Variants in NFAT5 observed in about 807,000 individuals in gnomAD.
The protein encoded by NFAT5 is nuclear factor of activated T cells 5.
Under a neutral mutation model 166.5 loss-of-function variants are expected in NFAT5, and 31 were observed. That is an observed-to-expected ratio of 0.19 (90% CI 0.14 to 0.25). NFAT5 has a LOEUF of 0.25. Ranked by LOEUF, NFAT5 falls within the 10% of genes least tolerant of loss-of-function variation. NFAT5 has a pLI of 1.00. For missense variants in NFAT5, 1,449 were observed against 1,821.8 expected (o/e 0.80, Z 3.72); for synonymous variants, 612 against 639.7 (o/e 0.96, Z 0.65).
At chr16:69,624,903 T>TAAA (rs376117061) in intron 2 of NFAT5, among the ~76,000 whole-genome samples, 2 of 140,138 alleles carry the variant, frequency 1.4e-5, no homozygotes, top group South Asian at 2.3e-4. Context: ...TTCTTTTTTT[T>TAAA]AAAAAAAAAA....
In NFAT5 at chr16:69,695,125, T is replaced by C; in HGVS notation, c.4415-11T>C. 4.4e-6 allele frequency: 7 copies of C among 1,600,058 alleles called. No homozygotes were observed. The highest frequency in any genetic ancestry group is 5.1e-6 in the Non-Finnish European group (6 of 1,167,756). ...TCAGCTTTTAAGCTTCTGTTTTCAA[T>C]GTCTCTGCAGACTGTAGTCAGCTTT... On this transcript the variant is annotated splice_polypyrimidine_tract_variant and intron_variant, in intron 13 of 14. Coordinates refer to ENST00000349945, the MANE Select transcript of NFAT5 (RefSeq NM_138713.4).
chr16:69,646,206 C>G (rs1279015137), intron 3 of NFAT5, among the ~76,000 whole-genome samples: 1 of 152,138 alleles, frequency 6.6e-6, no homozygotes, highest in African/African-American at 2.4e-5. Context: ...ATCCATTAAT[C>G]AGTTCTTCCT....
chr16:69,692,513 T>TCAACAG lies in NFAT5; in HGVS notation c.2691_2696dup (p.Gln905_Gln906dup). On this transcript the variant is annotated inframe_insertion, in exon 13 of 15. Transcript: ENST00000349945. ...CACAGTCTGAAAACACGTTATCTAA[T>TCAACAG]CAACAGCAGCAGCAGCAGCAGCAAC... 1 of 1,614,072 alleles carries TCAACAG rather than the reference T, an allele frequency of 6.2e-7. No individual in the cohort carries two copies. The highest frequency in any genetic ancestry group is 8.5e-7 in the Non-Finnish European group (1 of 1,179,996).
At chr16:69,672,098 C>T (rs534186942) in intron 9 of NFAT5, among the ~76,000 whole-genome samples, 4 of 152,206 alleles carry the variant, frequency 2.6e-5, no homozygotes, top group Non-Finnish European at 5.9e-5. Flanking sequence ...AGAACTCTCT[C>T]TGGGTAAAGT....
chr16:69,573,817 G>C (rs554919493), intron 2 of NFAT5, among the ~76,000 whole-genome samples: 1 of 150,106 alleles, frequency 6.7e-6, no homozygotes, highest in Admixed American at 6.6e-5. Context: ...CAAAGTGGTA[G>C]TACAGAAAAA....
chr16:69,667,188 G>A (rs2036423895), intron 7 of NFAT5, among the ~76,000 whole-genome samples: 1 of 114,610 alleles, frequency 8.7e-6, no homozygotes, highest in African/African-American at 3.3e-5. Context: ...GGGGGGAGGG[G>A]GGAGGGATAG....
chr16:69,571,741 G>C (rs2016451898), intron 2 of NFAT5, among the ~76,000 whole-genome samples: 1 of 151,442 alleles, frequency 6.6e-6, no homozygotes, highest in Non-Finnish European at 1.5e-5. Context: ...CCTGCACTTG[G>C]GTATTATTAT....
Position 69,647,462 on chromosome 16 carries a change from G to C in NFAT5, c.688G>C (p.Val230Leu). Residue 230 changes from valine to leucine, a missense_variant, in exon 4 of 15, where the codon GTC (valine) becomes CTC (leucine). By Grantham distance (32) the Val-to-Leu change is conservative. Coordinates refer to ENST00000349945, the MANE Select transcript of NFAT5 (RefSeq NM_138713.4). The surrounding 1 kb of genome is among the most constrained non-coding windows in gnomAD (Gnocchi z 4.8). ...ACGAAATCCAAAGCAGAGGCCGGGG[G>C]TCAAACGACGAGATTGTGAAGAATC... Reference protein sequence around the residue: ...RKRNPKQRPGVKRRDCEESNM... With the variant: ...RKRNPKQRPGLKRRDCEESNM... 1 of 1,613,964 alleles carries C rather than the reference G, an allele frequency of 6.2e-7. No individual in the cohort carries two copies. The highest frequency in any genetic ancestry group is 8.5e-7 in the Non-Finnish European group (1 of 1,180,014).
intron 7 of NFAT5, among the ~76,000 whole-genome samples, chr16:69,664,601 G>T (rs1333010611): frequency 6.6e-6 from 1 of 152,098 alleles, no homozygotes; most frequent in Non-Finnish European, 1.5e-5. Context: ...TTATTTTTCA[G>T]ACTGCTAGTT....
chr16:69,651,080 A>T (rs567624564), intron 4 of NFAT5, among the ~76,000 whole-genome samples: 1 of 152,226 alleles, frequency 6.6e-6, no homozygotes, highest in Non-Finnish European at 1.5e-5. Context: ...ACTTATGTCA[A>T]ATTTACACGA....
At position 69,691,917 on chromosome 16, in the gene NFAT5, A is replaced by T. The variant is rs2037560486; in HGVS notation, c.2092A>T (p.Thr698Ser). ...YNPETLTTIQ[T>S]QDISQPGTFP... ...CCCAGAGACCCTGACAACTATTCAAACCCAGGACATCTCACAGCCTGGTAC... is the reference window on the plus strand; with the variant it reads ...CCCAGAGACCCTGACAACTATTCAATCCCAGGACATCTCACAGCCTGGTAC... Residue 698 changes from threonine to serine, a missense_variant, in exon 13 of 15, where the codon ACC becomes TCC. Physicochemically the swap from Thr to Ser is moderately conservative, Grantham distance 58. This residue lies in a region of NFAT5 where 891 missense variants were observed against 993.0 expected (regional missense o/e 0.90). Coordinates refer to ENST00000349945, the MANE Select transcript of NFAT5 (RefSeq NM_138713.4). 2 of 1,614,020 alleles carry T rather than the reference A, an allele frequency of 1.2e-6. No homozygotes were observed. Among genetic ancestry groups the T allele is most frequent in the Admixed American group, 3.3e-5 (2 of 60,002 alleles).
At chr16:69,627,393 T>C (rs1186201375) in intron 3 of NFAT5, among the ~76,000 whole-genome samples, 3 of 141,452 alleles carry the variant, frequency 2.1e-5, no homozygotes, top group African/African-American at 7.8e-5. Flanking sequence ...TTTTGAAGTT[T>C]TATCTGTCCT....
At chr16:69,568,053 C>G (rs560798111) in intron 1 of NFAT5, among the ~76,000 whole-genome samples, 10 of 152,190 alleles carry the variant, frequency 6.6e-5, no homozygotes, top group Non-Finnish European at 1.3e-4. Flanking sequence ...TGGCTCACGC[C>G]TGTATTCCCA....
intron 2 of NFAT5, among the ~76,000 whole-genome samples, chr16:69,582,236 G>T (rs962588981): frequency 1.3e-5 from 2 of 152,116 alleles, no homozygotes; most frequent in Non-Finnish European, 2.9e-5. Context: ...CTGTACTCCA[G>T]CCTGAGCAAC....
intron 5 of NFAT5, among the ~76,000 whole-genome samples, chr16:69,654,012 AGG>A (rs2035782906): frequency 6.6e-6 from 1 of 151,008 alleles, no homozygotes; most frequent in Non-Finnish European, 1.5e-5. Flanking sequence ...GGAGGAAAGA[AGG>A]AAATGAGGAA....
rs756340476 is a variant in NFAT5, at chr16:69,695,405, T to C, written c.*8+26T>C. On this transcript the variant is annotated intron_variant, in intron 14 of 14. Coordinates refer to ENST00000349945, the MANE Select transcript of NFAT5 (RefSeq NM_138713.4). ...GTAAGTATTGCATTTTGGCTTCTTA[T>C]TGAAAAGCATCAGATTTTATTCTTC... The C allele has an allele frequency of 1.5e-5, 23 of 1,488,472 alleles. No homozygotes were observed. The Admixed American group carries it at 3.7e-4, about 24-fold the overall frequency. The allele number at this position is 1,488,472 out of a possible 1,614,324, so 92.2% of individuals were successfully genotyped here. A position where few individuals can be genotyped will look rare whatever the true frequency, so the allele number is the denominator to read the frequency against.
chr16:69,617,983 A>T (rs996438630), intron 2 of NFAT5, among the ~76,000 whole-genome samples: 1 of 151,968 alleles, frequency 6.6e-6, no homozygotes, highest in Non-Finnish European at 1.5e-5. Flanking sequence ...ACATGGAGAA[A>T]ACCTGTCTCT....
rs1369561064 is a variant in NFAT5 at position 69,656,461 on chromosome 16, T to TC, written c.1196+662_1196+663insC. 4.0e-5 allele frequency among the ~76,000 whole-genome samples: 6 copies of TC among 151,760 alleles called. No homozygotes were observed. The East Asian group carries it at 1.2e-3, about 29-fold the overall frequency. On this transcript the variant is annotated intron_variant, in intron 6 of 14. Coordinates refer to ENST00000349945, the MANE Select transcript of NFAT5 (RefSeq NM_138713.4). ...TAATGTTTGCTTTAAAAACTTTTTT[T>TC]TTTTTTTTGAGACAGAGTCTCCGTC...
rs1029707619 is a variant in NFAT5 at position 69,695,403 on chromosome 16, T to C, written c.*8+24T>C. 7 of 1,506,528 alleles carry C rather than the reference T, an allele frequency of 4.6e-6. No individual in the cohort carries two copies. In the African/African-American group the frequency reaches 8.3e-5, roughly 18 times the overall value. The allele number at this position is 1,506,528 out of a possible 1,614,324, so 93.3% of individuals were successfully genotyped here. ...ATGTAAGTATTGCATTTTGGCTTCT[T>C]ATTGAAAAGCATCAGATTTTATTCT... On this transcript the variant is annotated intron_variant, in intron 14 of 14. Transcript: ENST00000349945.
Sources: gnomAD v4.1 joint callset for allele counts (sites outside exome capture counted in the v4.1 genomes callset) on GRCh38, gnomAD v4.1.1 for gene constraint, gnomAD v4.1.1 regional missense constraint, Gnocchi (gnomAD v3.1) non-coding constraint, MANE v1.5 for transcripts, NCBI Gene and HGNC (gene_info 2026-07-23, HGNC 2026-07-21) for gene names.